The following COL17A1 variants were observed in gnomAD, a reference collection of about 807,000 sequenced individuals.
COL17A1 encodes collagen type XVII alpha 1 chain, also known as collagen alpha-1(XVII) chain.
Under a neutral mutation model 218.4 loss-of-function variants are expected in COL17A1, and 181 were observed. The ratio of observed to expected loss-of-function variants is 0.83; its 90% CI spans 0.73 to 0.94. COL17A1 has a LOEUF of 0.94. COL17A1 is among the 40% of genes least tolerant of loss of function. The pLI is 0.00. For missense variants in COL17A1, 1,924 were observed against 1,945.9 expected (o/e 0.99, Z 0.21); for synonymous variants, 721 against 731.0 (o/e 0.99, Z 0.22).
In COL17A1 at chr10:104,059,630, G is replaced by A. The variant is rs1409115961; in HGVS notation, c.1222+8C>T. The stretch of plus-strand genomic sequence containing the variant: ...GTCAAGGTGGACAACAATCATATTT[G>A]TTCTTACCATTAGCTTCGGCTTTTA... On this transcript the variant is annotated splice_region_variant and intron_variant, in intron 15 of 55. Transcript: ENST00000648076. 1 of 1,612,948 alleles carries A rather than the reference G, an allele frequency of 6.2e-7. No individual in the cohort carries two copies. Among genetic ancestry groups the A allele is most frequent in the Non-Finnish European group, 8.5e-7 (1 of 1,179,024 alleles).
intron 15 of COL17A1, among the ~76,000 whole-genome samples, chr10:104,058,729 C>T (rs915397958): frequency 6.6e-6 from 1 of 152,002 alleles, no homozygotes; most frequent in Non-Finnish European, 1.5e-5. Flanking sequence ...GTCAGGAGTT[C>T]GAGACCAGCC....
At chr10:104,052,264 G>T in intron 23 of COL17A1, 47 bp from the exon 24 acceptor site, 2 of 1,611,558 alleles carry the variant, frequency 1.2e-6, no homozygotes, top group Non-Finnish European at 1.7e-6. Flanking sequence ...GCCCCAGTGT[G>T]GCTGCCCCCT....
intron 27 of COL17A1, 124 bp downstream of exon 27, chr10:104,050,497 T>G: frequency 6.6e-7 from 1 of 1,515,154 alleles, no homozygotes; most frequent in African/African-American, 1.4e-5. Context: ...ATCTGAGAGG[T>G]TGGATTAGAA....
Position 104,074,180 on chromosome 10 carries a change from A to G in COL17A1, c.379+4T>C, listed in dbSNP as rs1312960852. 3 of 1,614,226 alleles carry G rather than the reference A, an allele frequency of 1.9e-6. No individual in the cohort carries two copies. The highest frequency in any genetic ancestry group is 2.2e-5 in the East Asian group (1 of 44,890). ...TTTCTTTAGAAAATAAGGAGAGGAC[A>G]TACCAAATTCCTTCCGAGGGTACTC... On this transcript the variant is annotated splice_donor_region_variant and intron_variant, in intron 6 of 55. Coordinates refer to ENST00000648076, the MANE Select transcript of COL17A1 (RefSeq NM_000494.4).
At chr10:104,046,262 A>G (rs1480924345) in intron 32 of COL17A1, among the ~76,000 whole-genome samples, 5 of 152,180 alleles carry the variant, frequency 3.3e-5, no homozygotes, top group Admixed American at 1.3e-4. Context: ...ATCTTTGCCT[A>G]ATTTCTTTCA....
In COL17A1 at chr10:104,038,444, C is replaced by T. The variant is rs766110362; in HGVS notation, c.3032G>A (p.Gly1011Asp). 1 of 1,614,064 alleles carries T rather than the reference C, an allele frequency of 6.2e-7. No individual in the cohort carries two copies. The highest frequency in any genetic ancestry group is 8.5e-7 in the Non-Finnish European group (1 of 1,180,012). Residue 1011 changes from glycine to aspartate, a missense_variant, in exon 45 of 56, where the codon GGC becomes GAC. Transcript: ENST00000648076. Reference sequence around the variant, plus strand: ...AGAGATGTACTGCTGAATCTCCTGGCCAGAGCTGCTGATAGAGCCCGGAGG... The same window carrying T: ...AGAGATGTACTGCTGAATCTCCTGGTCAGAGCTGCTGATAGAGCCCGGAGG... ...PGPPGSISSS[G>D]QEIQQYISEY...
chr10:104,077,242 A>G lies in COL17A1; in HGVS notation c.202+180T>C, dbSNP rs2274106. ...CCGGTCTCCAGCCCTGCTGCCCAAT[A>G]GCTGTGTGTTATTTAGATAACTCTC... On this transcript the variant is annotated intron_variant, in intron 4 of 55. Transcript: ENST00000648076. 0.92 allele frequency among the ~76,000 whole-genome samples: 139,698 copies of G among 152,240 alleles called. 64,824 individuals carry two copies. The highest frequency in any genetic ancestry group is 1 in the Non-Finnish European group (67,756 of 68,034).
At chr10:104,034,868 G>A (rs1564670285) in intron 50 of COL17A1, 101 bp from the exon 51 acceptor site, 7 of 1,468,854 alleles carry the variant, frequency 4.8e-6, no homozygotes, top group East Asian at 2.3e-5. Flanking sequence ...TGAAAGGAGG[G>A]GATGAGGCTG....
In COL17A1 at chr10:104,076,286, T is replaced by G. The variant is rs755201366; in HGVS notation, c.331+15A>C. On this transcript the variant is annotated intron_variant, in intron 5 of 55. Transcript: ENST00000648076. ...GAAGAGAATGGTTCTCTTGTATGGT[T>G]AGTGGGACTGATACCTTCATACGCA... 6.2e-7 allele frequency: 1 copy of G among 1,613,888 alleles called. No individual in the cohort carries two copies. The highest frequency in any genetic ancestry group is 8.5e-7 in the Non-Finnish European group (1 of 1,179,860).
At chr10:104,037,276 C>A (rs1387515248) in intron 46 of COL17A1, among the ~76,000 whole-genome samples, 163 bp from the exon 47 acceptor site, 1 of 127,220 alleles carries the variant, frequency 7.9e-6, no homozygotes, top group East Asian at 2.5e-4. Context: ...AAGTCAAATA[C>A]TGTTGTTGGG....
At chr10:104,071,151 A>G (rs2086666258) in intron 8 of COL17A1, among the ~76,000 whole-genome samples, 1 of 152,178 alleles carries the variant, frequency 6.6e-6, no homozygotes, top group Non-Finnish European at 1.5e-5. Flanking sequence ...GAAGCAGGAG[A>G]GGTGGGAGGC....
At chr10:104,085,469 C>T (rs582661) in intron 1 of COL17A1, among the ~76,000 whole-genome samples, 89,374 of 152,038 alleles carry the variant, frequency 0.59, 28,027 homozygotes, top group Admixed American at 0.69. Flanking sequence ...AAAGGTCTTG[C>T]CTCTAAAGCC....
In COL17A1 at chr10:104,040,364, G is replaced by T. The variant is rs763708555; in HGVS notation, c.2748C>A (p.Pro916=). 1.1e-5 allele frequency: 17 copies of T among 1,609,860 alleles called. No individual in the cohort carries two copies. Among genetic ancestry groups the T allele is most frequent in the Non-Finnish European group, 1.4e-5 (16 of 1,176,112 alleles). The change falls in exon 40 of 56, where the codon CCC becomes CCA. Residue 916 remains proline (P), a synonymous_variant. Coordinates refer to ENST00000648076, the MANE Select transcript of COL17A1 (RefSeq NM_000494.4). ...GPPGPPGPPG[P]KGDQGPPGPR... is the part of the protein sequence containing the mutation. ...CACTGTTCTCACCTTGGTCTCCCTT[G>T]GGACCTGGGGGGCCAGGTGGGCCTG...
intron 5 of COL17A1, among the ~76,000 whole-genome samples, chr10:104,076,008 T>C (rs1456730046): frequency 6.6e-6 from 1 of 152,270 alleles, no homozygotes; most frequent in Non-Finnish European, 1.5e-5. Flanking sequence ...ACAAGATCTA[T>C]GTCTGATTCA....
At position 104,050,796 on chromosome 10, in the gene COL17A1, G is replaced by A; in HGVS notation, c.2092+52C>T. On this transcript the variant is annotated intron_variant, in intron 26 of 55. Transcript: ENST00000648076. ...GCACTTGTCAGCCTGCATAGGCTGT[G>A]GGTCGTGTCCATCAGACCCTCACTG... 8 of 1,614,088 alleles carry A rather than the reference G, an allele frequency of 5.0e-6. No individual in the cohort carries two copies. The South Asian group carries it at 8.8e-5, about 18-fold the overall frequency.
intron 11 of COL17A1, chr10:104,063,436 G>A (rs2086599839): frequency 5.1e-6 from 2 of 389,362 alleles, no homozygotes; most frequent in Non-Finnish European, 9.7e-6. Flanking sequence ...AATTAACAAT[G>A]CCTTTACCCT....
At chr10:104,035,725 G>T (rs144278810) in intron 48 of COL17A1, among the ~76,000 whole-genome samples, 162 bp from the exon 49 acceptor site, 284 of 151,770 alleles carry the variant, frequency 1.9e-3, no homozygotes, top group Non-Finnish European at 3.0e-3. Context: ...AAGGAGGAAC[G>T]GAGGGGCCCA....
chr10:104,064,482 T>C lies in COL17A1; in HGVS notation c.722A>G (p.Gln241Arg). ...MGTYHNNMTTQSSSLLNTNAY... is the reference protein window; with the variant it reads ...MGTYHNNMTTRSSSLLNTNAY... ...ATTGGTGTTGAGGAGGGATGAGCTCTGGGTTGTCATGTTGTTGTGATAGGT... is the reference window on the plus strand; with the variant it reads ...ATTGGTGTTGAGGAGGGATGAGCTCCGGGTTGTCATGTTGTTGTGATAGGT... The change falls in exon 10 of 56, where the codon CAG (glutamine) becomes CGG (arginine). Residue 241 changes from glutamine (Q) to arginine (R), a missense_variant. Gln to Arg is a conservative substitution (Grantham distance 43). Coordinates refer to ENST00000648076, the MANE Select transcript of COL17A1 (RefSeq NM_000494.4). 6.2e-7 allele frequency: 1 copy of C among 1,614,160 alleles called. No homozygotes were observed. Among genetic ancestry groups the C allele is most frequent in the South Asian group, 1.1e-5 (1 of 91,084 alleles).
chr10:104,080,487 A>G (rs949042972), intron 2 of COL17A1, 135 bp downstream of exon 2: 1 of 1,008,192 alleles, frequency 9.9e-7, no homozygotes, highest in East Asian at 2.6e-5. Context: ...GAGAAGGATT[A>G]AAGTCCATTT....
Sources: gnomAD v4.1 joint callset for allele counts (sites outside exome capture counted in the v4.1 genomes callset) on GRCh38, gnomAD v4.1.1 for gene constraint, MANE v1.5 for transcripts, NCBI Gene and HGNC (gene_info 2026-07-23, HGNC 2026-07-21) for gene names.